The following TCF12 variants were observed in gnomAD, a reference collection of about 807,000 sequenced individuals.
TCF12 encodes DNA-binding protein HTF4.
Under a neutral mutation model 86.0 loss-of-function variants are expected in TCF12, and 45 were observed. The ratio of observed to expected loss-of-function variants is 0.52; its 90% CI spans 0.41 to 0.67. The LOEUF (loss-of-function observed/expected upper bound fraction) is 0.67. Among genes scored for constraint, TCF12 ranks in the 30% least tolerant of loss-of-function variants. TCF12 has a pLI of 0.00. For synonymous variants in TCF12, 330 were observed against 299.6 expected (o/e 1.10, Z -1.05); for missense variants, 881 against 859.9 (o/e 1.02, Z -0.31).
At chr15:57,181,366 A>T (rs976512318) in intron 6 of TCF12, among the ~76,000 whole-genome samples, 1 of 152,140 alleles carries the variant, frequency 6.6e-6, no homozygotes, top group African/African-American at 2.4e-5. Context: ...CTGTAACTAC[A>T]GGTGCACATC....
intron 3 of TCF12, among the ~76,000 whole-genome samples, chr15:56,985,554 A>C (rs1388405608): frequency 1.3e-5 from 2 of 152,204 alleles, no homozygotes; most frequent in Non-Finnish European, 2.9e-5. Context: ...CATACCAAAG[A>C]GCAAAATAAG....
intron 6 of TCF12, among the ~76,000 whole-genome samples, chr15:57,181,275 T>G (rs563208693): frequency 6.6e-6 from 1 of 152,236 alleles, no homozygotes; most frequent in Admixed American, 6.5e-5. Flanking sequence ...TTATTTTTTA[T>G]TTTTTGGTCT....
At chr15:57,073,587 A>G (rs1309895788) in intron 4 of TCF12, among the ~76,000 whole-genome samples, 1 of 152,226 alleles carries the variant, frequency 6.6e-6, no homozygotes, top group African/African-American at 2.4e-5. Context: ...GAAAAGGTAG[A>G]TAACTTATCA....
At chr15:56,960,429 TA>T (rs1401369557) in intron 3 of TCF12, among the ~76,000 whole-genome samples, 1 of 117,932 alleles carries the variant, frequency 8.5e-6, no homozygotes, top group Non-Finnish European at 1.8e-5. Flanking sequence ...TACTGTATTG[TA>T]TTTTTTTTTT....
intron 5 of TCF12, among the ~76,000 whole-genome samples, chr15:57,141,315 T>C (rs2052944881): frequency 6.6e-6 from 1 of 152,226 alleles, no homozygotes; most frequent in Admixed American, 6.5e-5. Context: ...GTGAAAGTGG[T>C]AAAAGCAGGC....
rs1248211232 is a variant in TCF12, at chr15:57,092,033, C to T, written c.325+142C>T. 1.6e-5 allele frequency: 9 copies of T among 564,234 alleles called. No homozygotes were observed. In the African/African-American group the frequency reaches 1.7e-4, roughly 11 times the overall value. The allele number at this position is 564,234 out of a possible 1,614,324, so 35.0% of individuals were successfully genotyped here. ...AGGGGCATCTAGGGCTTTTCTTGTTCAGCACAGCTTGAGGATCAAATGTCC... is the reference window on the plus strand; with the variant it reads ...AGGGGCATCTAGGGCTTTTCTTGTTTAGCACAGCTTGAGGATCAAATGTCC... On this transcript the variant is annotated intron_variant, in intron 5 of 20. Coordinates refer to ENST00000333725, the MANE Select transcript of TCF12 (RefSeq NM_207037.2).
chr15:57,099,000 C>A (rs2049535620), intron 5 of TCF12, among the ~76,000 whole-genome samples: 1 of 152,126 alleles, frequency 6.6e-6, no homozygotes, highest in Non-Finnish European at 1.5e-5. Flanking sequence ...CTCCCTCACT[C>A]CAGTATTTCC....
intron 3 of TCF12, among the ~76,000 whole-genome samples, chr15:57,005,760 G>T (rs1039186901): frequency 5.9e-5 from 9 of 152,144 alleles, no homozygotes; most frequent in Non-Finnish European, 1.3e-4. Flanking sequence ...TGTAGAGACA[G>T]GGTCTCACTA....
intron 5 of TCF12, among the ~76,000 whole-genome samples, chr15:57,121,124 A>G (rs1458999381): frequency 1.3e-5 from 2 of 152,226 alleles, no homozygotes; most frequent in African/African-American, 2.4e-5. Context: ...TCTGGAGCTG[A>G]CATACATTCC....
At chr15:57,232,510 T>C (rs967180506) in intron 10 of TCF12, 80 bp downstream of exon 10, 7 of 1,516,452 alleles carry the variant, frequency 4.6e-6, no homozygotes, top group Non-Finnish European at 6.2e-6. Flanking sequence ...GTGTAAAATC[T>C]AAGTCTGCCA....
intron 3 of TCF12, among the ~76,000 whole-genome samples, chr15:57,021,381 G>A (rs1398082221): frequency 3.9e-5 from 6 of 152,182 alleles, no homozygotes; most frequent in African/African-American, 1.2e-4. Flanking sequence ...CATCGGGCGC[G>A]GTGGCTCACG....
intron 3 of TCF12, among the ~76,000 whole-genome samples, chr15:56,966,452 C>G (rs2062009255): frequency 6.6e-6 from 1 of 152,162 alleles, no homozygotes; most frequent in Non-Finnish European, 1.5e-5. Context: ...GGTAGCTAAG[C>G]CTTGTTAAAA....
At chr15:56,934,806 A>G (rs1298007630) in intron 3 of TCF12, among the ~76,000 whole-genome samples, 5 of 152,098 alleles carry the variant, frequency 3.3e-5, no homozygotes, top group African/African-American at 1.2e-4. Flanking sequence ...GGTAGCTTTG[A>G]TGGAGGTCAG....
chr15:57,093,224 ACTTT>A (rs1333680725), intron 5 of TCF12, among the ~76,000 whole-genome samples: 1 of 152,190 alleles, frequency 6.6e-6, no homozygotes, highest in Non-Finnish European at 1.5e-5. Flanking sequence ...GCTAGGGAAA[ACTTT>A]CTAATTTATT....
chr15:57,183,269 C>G (rs2056467088), intron 6 of TCF12, among the ~76,000 whole-genome samples: 1 of 152,170 alleles, frequency 6.6e-6, no homozygotes, highest in Non-Finnish European at 1.5e-5. Flanking sequence ...CCTTTTCTTT[C>G]TACTCATTCT....
intron 6 of TCF12, among the ~76,000 whole-genome samples, chr15:57,172,134 A>G (rs2055552845): frequency 6.6e-6 from 1 of 152,056 alleles, no homozygotes; most frequent in Non-Finnish European, 1.5e-5. Context: ...ACCCAATCTC[A>G]TATGCAGACA....
chr15:57,058,860 G>A (rs1432539050), intron 3 of TCF12, among the ~76,000 whole-genome samples: 2 of 152,112 alleles, frequency 1.3e-5, no homozygotes, highest in East Asian at 3.9e-4. Flanking sequence ...TGTCTAAAAT[G>A]TGAAAAATAC....
intron 3 of TCF12, among the ~76,000 whole-genome samples, chr15:56,955,221 A>G (rs984756804): frequency 6.6e-6 from 1 of 152,238 alleles, no homozygotes; most frequent in Non-Finnish European, 1.5e-5. Context: ...CTATGCAGCC[A>G]TAAAAAATGA....
At chr15:57,201,528 T>C (rs1287057569) in intron 8 of TCF12, among the ~76,000 whole-genome samples, 1 of 151,754 alleles carries the variant, frequency 6.6e-6, no homozygotes, top group Non-Finnish European at 1.5e-5. Flanking sequence ...TATATACAAG[T>C]TGCAACCTTT....
Sources: gnomAD v4.1 joint callset for allele counts (sites outside exome capture counted in the v4.1 genomes callset) on GRCh38, gnomAD v4.1.1 for gene constraint, MANE v1.5 for transcripts, NCBI Gene and HGNC (gene_info 2026-07-23, HGNC 2026-07-21) for gene names.